ARHGAP39: variants seen among roughly 807,000 people sequenced by gnomAD.
The protein encoded by ARHGAP39 is rho GTPase-activating protein 39.
ARHGAP39 carries 44 observed loss-of-function variants against 106.9 expected under a neutral mutation model. That is an observed-to-expected ratio of 0.41 (90% CI 0.32 to 0.53). The LOEUF is 0.53. Ranked by LOEUF, ARHGAP39 falls within the 20% of genes least tolerant of loss-of-function variation. ARHGAP39 has a pLI of 0.21. For missense variants in ARHGAP39, 1,496 were observed against 1,577.3 expected, an observed-to-expected ratio of 0.95 and a Z score of 0.87; for synonymous variants, 768 against 693.2, an observed-to-expected ratio of 1.11 and a Z score of -1.69.
At chr8:144,555,217 T>C (rs530123749) in intron 4 of ARHGAP39, among the ~76,000 whole-genome samples, 3 of 152,362 alleles carry the variant, frequency 2.0e-5, no homozygotes, top group Admixed American at 2.0e-4. Flanking sequence ...CAGACGGGCC[T>C]GGCAAGTGCT....
chr8:144,585,663 C>T lies in ARHGAP39; in HGVS notation c.81-4386G>A, dbSNP rs1819154561. ...CTAGGGAGAGAGGATTCAGGCTTGG[C>T]GGGGCCAGGACCTCCCGCCCATGGT... On this transcript the variant is annotated intron_variant, in intron 2 of 11. Coordinates refer to ENST00000377307, the MANE Select transcript of ARHGAP39 (RefSeq NM_025251.3). The surrounding 1 kb of genome is among the most constrained non-coding windows in gnomAD (Gnocchi z 4.6). 2.6e-5 allele frequency among the ~76,000 whole-genome samples: 4 copies of T among 152,112 alleles called. No individual in the cohort carries two copies. Among genetic ancestry groups the T allele is most frequent in the Admixed American group, 6.5e-5 (1 of 15,280 alleles).
At chr8:144,696,891 C>CATAA in the ARHGAP39 span, among the ~76,000 whole-genome samples, 1 of 152,178 alleles carries the variant, frequency 6.6e-6, no homozygotes, top group Non-Finnish European at 1.5e-5. Context: ...GCTCTAGGTA[C>CATAA]TGCACATAAG....
At chr8:144,570,196 G>A (rs751950455) in intron 3 of ARHGAP39, among the ~76,000 whole-genome samples, 9 of 152,196 alleles carry the variant, frequency 5.9e-5, no homozygotes, top group Non-Finnish European at 1.2e-4. Context: ...ACCCCAGCCC[G>A]AGTGACAAGA....
chr8:144,612,030 G>A (rs541232840), intron 1 of ARHGAP39, among the ~76,000 whole-genome samples: 1 of 151,774 alleles, frequency 6.6e-6, no homozygotes, highest in Non-Finnish European at 1.5e-5. Context: ...AAAAAAAGGA[G>A]GATGAGGCCA....
intron 1 of ARHGAP39, among the ~76,000 whole-genome samples, chr8:144,674,030 G>A (rs1822169307): frequency 6.6e-6 from 1 of 152,336 alleles, no homozygotes; most frequent in East Asian, 1.9e-4. Context: ...ACCCCAAAGA[G>A]GGTGTCACAG....
In ARHGAP39 at chr8:144,530,180, G is replaced by T; in HGVS notation, c.*242C>A. Reference sequence around the variant, plus strand: ...CCCGCGGCCAGCGGAGGGCGAGGCGGTGCCCGCGGGAACTGGCCGTGAGGT... The same window carrying T: ...CCCGCGGCCAGCGGAGGGCGAGGCGTTGCCCGCGGGAACTGGCCGTGAGGT... On this transcript the variant is annotated 3_prime_UTR_variant, in exon 12 of 12. Transcript: ENST00000377307. 1.9e-6 allele frequency: 1 copy of T among 535,076 alleles called. No homozygotes were observed. The highest frequency in any genetic ancestry group is 2.5e-5 in the South Asian group (1 of 40,316). The allele number at this position is 535,076 out of a possible 1,614,324, so 33.1% of individuals were successfully genotyped here. A position where few individuals can be genotyped will look rare whatever the true frequency, so the allele number is the denominator to read the frequency against.
intron 1 of ARHGAP39, among the ~76,000 whole-genome samples, chr8:144,620,251 G>T (rs1266788208): frequency 2.0e-5 from 3 of 147,842 alleles, no homozygotes; most frequent in Non-Finnish European, 4.5e-5. Flanking sequence ...CTGTTAGCCT[G>T]TGTGTCCAAG....
At chr8:144,676,762 C>T (rs1822253158) in intron 1 of ARHGAP39, among the ~76,000 whole-genome samples, 1 of 152,240 alleles carries the variant, frequency 6.6e-6, no homozygotes, top group African/African-American at 2.4e-5. Flanking sequence ...CTCCACACCT[C>T]TCTGCGAGCA....
chr8:144,645,306 T>C lies in ARHGAP39; in HGVS notation c.-81-39611A>G, dbSNP rs1266751134. Among the ~76,000 whole-genome samples the C allele has an allele frequency of 6.6e-6, 1 of 152,146 alleles. No homozygotes were observed. The highest frequency in any genetic ancestry group is 2.4e-5 in the African/African-American group (1 of 41,432). On this transcript the variant is annotated intron_variant, in intron 1 of 11. Transcript: ENST00000377307. This position sits in a 1 kb window ranked among gnomAD's most constrained non-coding sequence, Gnocchi z 4.4. ...GAGAAGTCCAGGTGTCAAGGAGAGG[T>C]TGGCCATGAGGTCAGATGCCCAGCT...
intron 1 of ARHGAP39, among the ~76,000 whole-genome samples, chr8:144,651,633 G>A (rs940085700): frequency 2.0e-5 from 3 of 152,110 alleles, no homozygotes; most frequent in African/African-American, 7.2e-5. Flanking sequence ...CTTGAACCTA[G>A]GAGGAGGAGG....
chr8:144,530,295 G>T lies in ARHGAP39; in HGVS notation c.*127C>A. On this transcript the variant is annotated 3_prime_UTR_variant, in exon 12 of 12. Transcript: ENST00000377307. ...GACGTGGGGAGCGCCGGGGCCAGGGGCCTGGGGGAGTGGAGGGGGCTCCAG... is the reference window on the plus strand; with the variant it reads ...GACGTGGGGAGCGCCGGGGCCAGGGTCCTGGGGGAGTGGAGGGGGCTCCAG... The T allele has an allele frequency of 1.9e-6, 2 of 1,059,468 alleles. No homozygotes were observed. Among genetic ancestry groups the T allele is most frequent in the Non-Finnish European group, 1.3e-6 (1 of 742,270 alleles). The allele number at this position is 1,059,468 out of a possible 1,614,324, so 65.6% of individuals were successfully genotyped here. A position where few individuals can be genotyped will look rare whatever the true frequency, so the allele number is the denominator to read the frequency against.
intron 3 of ARHGAP39, among the ~76,000 whole-genome samples, chr8:144,568,656 G>C (rs1473162490): frequency 6.6e-6 from 1 of 152,156 alleles, no homozygotes; most frequent in African/African-American, 2.4e-5. Flanking sequence ...GACAGCAACA[G>C]GACAAAATTA....
chr8:144,634,883 G>A (rs554660936), intron 1 of ARHGAP39, among the ~76,000 whole-genome samples: 4 of 150,930 alleles, frequency 2.7e-5, no homozygotes, highest in South Asian at 2.1e-4. Flanking sequence ...CTCGGCTCCC[G>A]GGAACTCCAG....
rs7007930 is a variant in ARHGAP39 at position 144,538,326 on chromosome 8, C to G, written c.2522-513G>C. Among the ~76,000 whole-genome samples, 829 of 152,324 alleles carry G rather than the reference C, an allele frequency of 5.4e-3. 8 individuals carry two copies. Among genetic ancestry groups the G allele is most frequent in the African/African-American group, 0.019 (795 of 41,576 alleles). On this transcript the variant is annotated intron_variant, in intron 6 of 11. Coordinates refer to ENST00000377307, the MANE Select transcript of ARHGAP39 (RefSeq NM_025251.3). ...ACAGCGTAACTCCGCAGTGTTGCCA[C>G]TGGCCTCGATGACCTAGCTGAGGTC...
intron 1 of ARHGAP39, among the ~76,000 whole-genome samples, chr8:144,680,500 C>T (rs534673274): frequency 1.3e-5 from 2 of 152,236 alleles, no homozygotes; most frequent in East Asian, 3.9e-4. Flanking sequence ...CGGGTTAGGC[C>T]TTTAATCACA....
At chr8:144,540,013 T>C (rs1307274180) in intron 6 of ARHGAP39, among the ~76,000 whole-genome samples, 1 of 152,254 alleles carries the variant, frequency 6.6e-6, no homozygotes, top group Non-Finnish European at 1.5e-5. Context: ...TTCTGATTCA[T>C]AAGCACAGCA....
chr8:144,628,105 G>A (rs1039125315), intron 1 of ARHGAP39, among the ~76,000 whole-genome samples: 1 of 152,218 alleles, frequency 6.6e-6, no homozygotes, highest in Admixed American at 6.5e-5. Context: ...CTCACTCAGG[G>A]TATTTTGACA....
At chr8:144,673,457 T>C (rs949497306) in intron 1 of ARHGAP39, among the ~76,000 whole-genome samples, 17 of 152,240 alleles carry the variant, frequency 1.1e-4, no homozygotes, top group African/African-American at 4.1e-4. Flanking sequence ...ATTTTTAGTA[T>C]ATTCACAGAT....
chr8:144,685,037 G>A (rs1427472434), intron 1 of ARHGAP39, among the ~76,000 whole-genome samples: 1 of 152,136 alleles, frequency 6.6e-6, no homozygotes, highest in Non-Finnish European at 1.5e-5. Context: ...GAATGCGGCC[G>A]GTGCCCCGAG....
Sources: allele counts gnomAD v4.1 joint callset (sites outside exome capture counted in the v4.1 genomes callset), GRCh38; gene constraint gnomAD v4.1.1; non-coding constraint Gnocchi (gnomAD v3.1); transcripts MANE v1.5; gene names NCBI Gene and HGNC (gene_info 2026-07-23, HGNC 2026-07-21).